KLHL26: variants seen among roughly 807,000 people sequenced by gnomAD.
The protein encoded by KLHL26 is kelch like family member 26.
KLHL26 carries 4 observed loss-of-function variants against 7.1 expected under a neutral mutation model. The observed-to-expected ratio is 0.56, with a 90% CI of 0.28 to 1.28. The LOEUF (loss-of-function observed/expected upper bound fraction) is 1.28, where lower values mean the gene tolerates loss of function less well. Ranked by LOEUF, KLHL26 falls within the 50% of genes most tolerant of loss-of-function variation. KLHL26 has a pLI of 0.11. For missense variants in KLHL26, 896 were observed against 924.6 expected (o/e 0.97, Z 0.40); for synonymous variants, 465 against 414.1 (o/e 1.12, Z -1.49).
In KLHL26 at chr19:18,640,551, ATTTTTT is replaced by A. The variant is rs56247740; in HGVS notation, c.83+3434_83+3439del. 3.7e-3 allele frequency among the ~76,000 whole-genome samples: 354 copies of A among 96,620 alleles called. 3 individuals are homozygous for A. Among genetic ancestry groups the A allele is most frequent in the African/African-American group, 0.015 (338 of 22,664 alleles). 63.4% of individuals were successfully genotyped at this position (96,620 alleles called of 152,430 possible). ...AGCCACTACGCCTGGCTATGTTTTA[ATTTTTT>A]TTTTTTTTTTTTTTTTTTTGAGATG... is the stretch of plus-strand genomic sequence containing the variant. On this transcript the variant is annotated intron_variant, in intron 1 of 2. Transcript: ENST00000300976.
In KLHL26 at chr19:18,650,105, G is replaced by GCTTCA. The variant is rs1568456845; in HGVS notation, c.83+12968_83+12969insCTTCA. 1.3e-5 allele frequency among the ~76,000 whole-genome samples: 2 copies of GCTTCA among 152,228 alleles called. No individual in the cohort carries two copies. Among genetic ancestry groups the GCTTCA allele is most frequent in the African/African-American group, 4.8e-5 (2 of 41,474 alleles). ...ACCTTCAGGCTTGTAAAGGCCTGGAGGGGGGTCACCCGAGGATCGAGGCCG... is the reference window on the plus strand; with the variant it reads ...ACCTTCAGGCTTGTAAAGGCCTGGAGCTTCAGGGGGTCACCCGAGGATCGAGGCCG... On this transcript the variant is annotated intron_variant, in intron 1 of 2. Coordinates refer to ENST00000300976, the MANE Select transcript of KLHL26 (RefSeq NM_018316.3). This position sits in a 1 kb window ranked among gnomAD's most constrained non-coding sequence, Gnocchi z 4.2.
At chr19:18,638,271 GC>G (rs1180305060) in intron 1 of KLHL26, among the ~76,000 whole-genome samples, 2 of 152,220 alleles carry the variant, frequency 1.3e-5, no homozygotes, top group Non-Finnish European at 2.9e-5. Context: ...GGAGGGAATG[GC>G]CTGATGGCCT....
At chr19:18,645,584 C>G (rs1976787684) in intron 1 of KLHL26, among the ~76,000 whole-genome samples, 2 of 152,186 alleles carry the variant, frequency 1.3e-5, no homozygotes, top group South Asian at 2.1e-4. Flanking sequence ...GAGCCCAAGG[C>G]AGGCAGATTA....
intron 1 of KLHL26, among the ~76,000 whole-genome samples, chr19:18,660,307 G>A (rs1488275863): frequency 3.9e-5 from 6 of 152,230 alleles, no homozygotes; most frequent in African/African-American, 1.4e-4. Context: ...GCCCGGGCCA[G>A]GCCTGTAGCG....
At chr19:18,659,984 G>A (rs572280750) in intron 1 of KLHL26, among the ~76,000 whole-genome samples, 215 of 152,364 alleles carry the variant, frequency 1.4e-3, no homozygotes, top group Middle Eastern at 3.4e-3. Flanking sequence ...AGGGCCCCAC[G>A]AAAGAACAGC....
At chr19:18,642,113 C>T (rs1282420197) in intron 1 of KLHL26, among the ~76,000 whole-genome samples, 1 of 152,100 alleles carries the variant, frequency 6.6e-6, no homozygotes, top group Non-Finnish European at 1.5e-5. Flanking sequence ...AGACATTCTC[C>T]CAAAAGTCAT....
At chr19:18,659,395 G>A (rs2052368921) in intron 1 of KLHL26, among the ~76,000 whole-genome samples, 1 of 152,236 alleles carries the variant, frequency 6.6e-6, no homozygotes, top group African/African-American at 2.4e-5. Flanking sequence ...GCATCAGCCG[G>A]GGTGGGAGCC....
rs1188769237 is a variant in KLHL26, at chr19:18,671,034, GC to G, written c.*1791del. The G allele has an allele frequency of 6.6e-6, 1 of 152,320 alleles. No individual in the cohort carries two copies. The highest frequency in any genetic ancestry group is 1.5e-5 in the Non-Finnish European group (1 of 68,130). 9.4% of individuals were successfully genotyped at this position (152,320 alleles called of 1,614,324 possible). A position where few individuals can be genotyped will look rare whatever the true frequency, so the allele number is the denominator to read the frequency against. The stretch of plus-strand genomic sequence containing the variant: ...GGACCAACCTTGGCACTTTGGAAGA[GC>G]CTTCAGCCCCCTATTCTCATCATGG... On this transcript the variant is annotated 3_prime_UTR_variant, in exon 3 of 3. Transcript: ENST00000300976.
chr19:18,668,098 T>C lies in KLHL26; in HGVS notation c.701T>C (p.Leu234Pro). 1 of 1,604,238 alleles carries C rather than the reference T, an allele frequency of 6.2e-7. No individual in the cohort carries two copies. The highest frequency in any genetic ancestry group is 2.2e-5 in the East Asian group (1 of 44,850). The change falls in exon 3 of 3, where the codon CTG (leucine) becomes CCG (proline). Residue 234 changes from leucine to proline, a missense_variant. By Grantham distance (98) the Leu-to-Pro change is moderately conservative (BLOSUM62 -3). Transcript: ENST00000300976. ...IDLFRAAVRW[L>P]QHDPARRPRA... ...CTGTTCCGCGCGGCCGTCCGCTGGC[T>C]GCAGCATGACCCGGCCCGGCGGCCG...
intron 2 of KLHL26, among the ~76,000 whole-genome samples, chr19:18,665,673 G>A (rs1362384491): frequency 2.0e-5 from 3 of 152,238 alleles, no homozygotes; most frequent in East Asian, 3.8e-4. Flanking sequence ...TGGCCGGGCC[G>A]GAAGTGAGAG....
chr19:18,647,272 T>C (rs1322861183), intron 1 of KLHL26, among the ~76,000 whole-genome samples: 1 of 152,158 alleles, frequency 6.6e-6, no homozygotes, highest in Non-Finnish European at 1.5e-5. Flanking sequence ...TCGTTGTCCG[T>C]AGTTACCGGG....
chr19:18,667,983 G>T lies in KLHL26; in HGVS notation c.586G>T (p.Ala196Ser). 5 of 1,608,220 alleles carry T rather than the reference G, an allele frequency of 3.1e-6. No homozygotes were observed. The highest frequency in any genetic ancestry group is 4.2e-6 in the Non-Finnish European group (5 of 1,179,968). Reference protein sequence around the residue: ...AFTFRHFLQIAEEEDFLRLPL... With the variant: ...AFTFRHFLQISEEEDFLRLPL... ...CACCTTCCGGCACTTCCTGCAGATC[G>T]CCGAGGAGGAGGATTTCCTGCGCCT... Residue 196 changes from alanine to serine, a missense_variant, in exon 3 of 3, where the codon GCC becomes TCC. Physicochemically the swap from Ala to Ser is moderately conservative, Grantham distance 99. Transcript: ENST00000300976.
chr19:18,663,390 G>C (rs546478964), intron 1 of KLHL26, among the ~76,000 whole-genome samples: 1 of 152,216 alleles, frequency 6.6e-6, no homozygotes, highest in Non-Finnish European at 1.5e-5. Context: ...AGTGCCCACT[G>C]TGTGCCCTGT....
intron 1 of KLHL26, among the ~76,000 whole-genome samples, chr19:18,642,857 A>C (rs1976739367): frequency 6.7e-6 from 1 of 148,994 alleles, no homozygotes. Context: ...TTTTTGAGAC[A>C]TTGTCTCATT....
rs1167150764 is a variant in KLHL26, at chr19:18,656,240, C to T, written c.84-8021C>T. Among the ~76,000 whole-genome samples, 1 of 152,204 alleles carries T rather than the reference C, an allele frequency of 6.6e-6. No homozygotes were observed. Among genetic ancestry groups the T allele is most frequent in the East Asian group, 1.9e-4 (1 of 5,192 alleles). On this transcript the variant is annotated intron_variant, in intron 1 of 2. Transcript: ENST00000300976. This position sits in a 1 kb window ranked among gnomAD's most constrained non-coding sequence, Gnocchi z 4.4. ...TTTCTGCTCCCAGCTCTGTGGGCTTCACCTCTCAACCTGCTGAGCCTGAGA... is the reference window on the plus strand; with the variant it reads ...TTTCTGCTCCCAGCTCTGTGGGCTTTACCTCTCAACCTGCTGAGCCTGAGA...
intron 2 of KLHL26, among the ~76,000 whole-genome samples, chr19:18,664,779 T>C (rs1462794519): frequency 2.0e-5 from 3 of 151,920 alleles, no homozygotes; most frequent in Non-Finnish European, 4.4e-5. Context: ...AGAGACGGGG[T>C]TTCACCATGT....
chr19:18,643,668 C>T (rs948223634), intron 1 of KLHL26, among the ~76,000 whole-genome samples: 31 of 151,582 alleles, frequency 2.0e-4, no homozygotes, highest in Admixed American at 8.5e-4. Context: ...AGTAGAGATG[C>T]GGTTTCTCCA....
chr19:18,655,122 G>C (rs1168265478), intron 1 of KLHL26, among the ~76,000 whole-genome samples: 1 of 152,218 alleles, frequency 6.6e-6, no homozygotes, highest in Non-Finnish European at 1.5e-5. Context: ...CGTAGACCGA[G>C]GCTCTCCCAG....
chr19:18,646,594 G>A lies in KLHL26; in HGVS notation c.83+9457G>A, dbSNP rs1378005239. ...GACAGATTCCTCATCTGGGAAATGG[G>A]GCTCCAGGCCCACCAGGTGGGGGGT... On this transcript the variant is annotated intron_variant, in intron 1 of 2. Coordinates refer to ENST00000300976, the MANE Select transcript of KLHL26 (RefSeq NM_018316.3). This position sits in a 1 kb window ranked among gnomAD's most constrained non-coding sequence, Gnocchi z 5.0. 1.3e-5 allele frequency among the ~76,000 whole-genome samples: 2 copies of A among 152,306 alleles called. No individual in the cohort carries two copies. The highest frequency in any genetic ancestry group is 4.8e-5 in the African/African-American group (2 of 41,562).
Sources: allele counts gnomAD v4.1 joint callset (sites outside exome capture counted in the v4.1 genomes callset), GRCh38; gene constraint gnomAD v4.1.1; non-coding constraint Gnocchi (gnomAD v3.1); transcripts MANE v1.5; gene names NCBI Gene and HGNC (gene_info 2026-07-23, HGNC 2026-07-21).